GTSF1: variants seen among roughly 807,000 people sequenced by gnomAD.
The protein encoded by GTSF1 is gametocyte-specific factor 1.
In GTSF1, 11 loss-of-function variants were observed where a neutral mutation model predicts 28.9. The ratio of observed to expected loss-of-function variants is 0.38; its 90% CI spans 0.24 to 0.63. The LOEUF (loss-of-function observed/expected upper bound fraction) is 0.63. GTSF1 is among the 30% of genes least tolerant of loss of function. The probability of loss-of-function intolerance (pLI) is 0.56; values close to 1 mark genes in which losing one functional copy is unlikely to be tolerated. For missense variants in GTSF1, 146 were observed against 201.0 expected, an observed-to-expected ratio of 0.73 and a Z score of 1.66; for synonymous variants, 69 against 65.6, an observed-to-expected ratio of 1.05 and a Z score of -0.25.
At chr12:54,456,377 C>A (rs1956330346) in intron 8 of GTSF1, among the ~76,000 whole-genome samples, 1 of 152,152 alleles carries the variant, frequency 6.6e-6, no homozygotes. Context: ...ACATTCTATA[C>A]AGAAATCAAT....
intron 2 of GTSF1, among the ~76,000 whole-genome samples, chr12:54,468,454 A>G (rs1956551558): frequency 6.6e-6 from 1 of 152,188 alleles, no homozygotes; most frequent in South Asian, 2.1e-4. Context: ...TAAACACCTA[A>G]GAGTATTGCA....
chr12:54,471,576 C>T (rs1320481298), intron 1 of GTSF1, among the ~76,000 whole-genome samples: 1 of 152,006 alleles, frequency 6.6e-6, no homozygotes, highest in Non-Finnish European at 1.5e-5. Flanking sequence ...AAGATGTCTA[C>T]CTTAAGTGCT....
chr12:54,467,295 A>T (rs1956531564), intron 2 of GTSF1, among the ~76,000 whole-genome samples: 1 of 150,508 alleles, frequency 6.6e-6, no homozygotes, highest in South Asian at 2.1e-4. Flanking sequence ...ATGTGACAGA[A>T]TTTCCTGTGT....
intron 3 of GTSF1, 91 bp from the exon 4 acceptor site, chr12:54,463,388 C>G (rs1487223669): frequency 8.3e-7 from 1 of 1,202,552 alleles, no homozygotes; most frequent in East Asian, 2.4e-5. Context: ...AATGCCTCCC[C>G]TAAAATTCCT....
chr12:54,463,393 A>G (rs2120757230), intron 3 of GTSF1, 96 bp from the exon 4 acceptor site: 1 of 1,129,410 alleles, frequency 8.9e-7, no homozygotes, highest in East Asian at 2.4e-5. Flanking sequence ...CTCCCCTAAA[A>G]TTCCTCAATA....
chr12:54,472,186 TGACA>T (rs1956602751), intron 1 of GTSF1: 1 of 152,264 alleles, frequency 6.6e-6, no homozygotes, highest in Admixed American at 6.5e-5. Flanking sequence ...TGGAAGTCTT[TGACA>T]GACAGTATAC....
chr12:54,461,221 G>A (rs928070653), intron 6 of GTSF1, among the ~76,000 whole-genome samples: 9 of 151,960 alleles, frequency 5.9e-5, no homozygotes, highest in African/African-American at 2.2e-4. Flanking sequence ...AACTTCCCAA[G>A]TAGCTGAGAC....
At chr12:54,458,006 T>G (rs1163725332) in intron 8 of GTSF1, among the ~76,000 whole-genome samples, 1 of 152,242 alleles carries the variant, frequency 6.6e-6, no homozygotes, top group Admixed American at 6.5e-5. Flanking sequence ...CACAGATTTA[T>G]CTGTTTCACT....
chr12:54,457,623 A>C (rs1282733643), intron 8 of GTSF1, among the ~76,000 whole-genome samples: 1 of 152,066 alleles, frequency 6.6e-6, no homozygotes, highest in African/African-American at 2.4e-5. Context: ...TATGTTGCTA[A>C]GGCTAGAGTA....
intron 1 of GTSF1, among the ~76,000 whole-genome samples, chr12:54,472,890 T>C (rs1347466969): frequency 2.0e-5 from 3 of 152,248 alleles, no homozygotes; most frequent in African/African-American, 7.2e-5. Flanking sequence ...TTATACATAG[T>C]TACTTCATAC....
At position 54,460,383 on chromosome 12, in the gene GTSF1, T is replaced by G. The variant is rs752560695; in HGVS notation, c.481A>C (p.Lys161Gln). The G allele has an allele frequency of 1.2e-6, 2 of 1,610,058 alleles. No individual in the cohort carries two copies. Among genetic ancestry groups the G allele is most frequent in the Non-Finnish European group, 8.5e-7 (1 of 1,176,326 alleles). ...TTGTCTCTATTTCACTTACTGTTTTTCCATGGCAGAACATACGGCAGAGAT... is the reference window on the plus strand; with the variant it reads ...TTGTCTCTATTTCACTTACTGTTTTGCCATGGCAGAACATACGGCAGAGAT... ...PKSLPYVLPW[K>Q]NNGNAQ The change falls in exon 7 of 9, where the codon AAA (lysine) becomes CAA (glutamine). Residue 161 changes from lysine (K) to glutamine (Q), a missense_variant. Transcript: ENST00000305879.
At chr12:54,468,379 C>T (rs927576847) in intron 2 of GTSF1, among the ~76,000 whole-genome samples, 19 of 152,126 alleles carry the variant, frequency 1.2e-4, no homozygotes, top group African/African-American at 4.3e-4. Flanking sequence ...CCTCAGCCTC[C>T]CAAAGTGGTG....
intron 7 of GTSF1, 120 bp downstream of exon 7, chr12:54,460,257 C>G: frequency 2.9e-6 from 2 of 690,936 alleles, no homozygotes; most frequent in Non-Finnish European, 2.5e-6. Flanking sequence ...TTTAAGGAGG[C>G]ACTCACTTTA....
In GTSF1 at chr12:54,462,636, G is replaced by T; in HGVS notation, c.328+6C>A. 6.2e-7 allele frequency: 1 copy of T among 1,606,592 alleles called. No individual in the cohort carries two copies. Among genetic ancestry groups the T allele is most frequent in the Middle Eastern group, 1.7e-4 (1 of 6,032 alleles). On this transcript the variant is annotated splice_donor_region_variant and intron_variant, in intron 5 of 8. Transcript: ENST00000305879. ...TTGTGAAGAAAAAGATGTAGAGGCA[G>T]CTCACCTTTATCCCAGTCTTCATCG...
chr12:54,467,575 C>T (rs192885534), intron 2 of GTSF1, among the ~76,000 whole-genome samples: 6 of 150,358 alleles, frequency 4.0e-5, no homozygotes, highest in Non-Finnish European at 8.9e-5. Context: ...TCGGCCTCCC[C>T]AAGTGCTGGG....
rs71070819 is a variant in GTSF1, at chr12:54,471,869, A to AC, written c.-29-593dup. On this transcript the variant is annotated intron_variant, in intron 1 of 8. Coordinates refer to ENST00000305879, the MANE Select transcript of GTSF1 (RefSeq NM_144594.3). ...CTACGTCTCTACAAAAAACAAAACAACCCCCCCCCAAAAACAAACAAACAA... is the reference window on the plus strand; with the variant it reads ...CTACGTCTCTACAAAAAACAAAACAACCCCCCCCCCAAAAACAAACAAACAA... 2.9e-3 allele frequency: 439 copies of AC among 150,698 alleles called. 3 individuals are homozygous for AC. Among genetic ancestry groups the AC allele is most frequent in the Middle Eastern group, 0.017 (5 of 300 alleles). 9.3% of individuals were successfully genotyped at this position (150,698 alleles called of 1,614,324 possible). A position where few individuals can be genotyped will look rare whatever the true frequency, so the allele number is the denominator to read the frequency against.
At chr12:54,459,521 G>A in intron 7 of GTSF1, 1 of 1,121,652 alleles carries the variant, frequency 8.9e-7, no homozygotes, top group Non-Finnish European at 1.2e-6. Flanking sequence ...TGTTCTCTAT[G>A]TGGAAATTTC....
chr12:54,461,621 T>C (rs1050812890), intron 6 of GTSF1, among the ~76,000 whole-genome samples: 2 of 152,122 alleles, frequency 1.3e-5, no homozygotes, highest in African/African-American at 4.8e-5. Context: ...CCAGCCTGGT[T>C]GACAGAGTCC....
At chr12:54,461,792 T>C (rs1401331115) in intron 6 of GTSF1, among the ~76,000 whole-genome samples, 1 of 152,204 alleles carries the variant, frequency 6.6e-6, no homozygotes, top group Non-Finnish European at 1.5e-5. Context: ...CCAAGTGGTA[T>C]AGTGGGAGAA....
Sources: allele counts gnomAD v4.1 joint callset (sites outside exome capture counted in the v4.1 genomes callset), GRCh38; gene constraint gnomAD v4.1.1; transcripts MANE v1.5; gene names NCBI Gene and HGNC (gene_info 2026-07-23, HGNC 2026-07-21).